The following NXPH4 variants were observed in gnomAD, a reference collection of about 807,000 sequenced individuals.
NXPH4 encodes neurexophilin-4.
Under a neutral mutation model 21.3 loss-of-function variants are expected in NXPH4, and 8 were observed. That is an observed-to-expected ratio of 0.38 (90% CI 0.22 to 0.68). The LOEUF (loss-of-function observed/expected upper bound fraction) is 0.68, where lower values mean the gene tolerates loss of function less well. NXPH4 is among the 30% of genes least tolerant of loss of function. The probability of loss-of-function intolerance (pLI) is 0.53; values close to 1 mark genes in which losing one functional copy is unlikely to be tolerated. For synonymous variants in NXPH4, 219 were observed against 192.6 expected (o/e 1.14, Z -1.13); for missense variants, 418 against 416.8 (o/e 1.00, Z -0.03).
In NXPH4 at chr12:57,225,968, G is replaced by A. The variant is rs1460280422; in HGVS notation, c.*221G>A. 1.4e-6 allele frequency: 2 copies of A among 1,417,360 alleles called. No homozygotes were observed. The highest frequency in any genetic ancestry group is 2.9e-5 in the African/African-American group (2 of 69,288). 87.8% of individuals were successfully genotyped at this position (1,417,360 alleles called of 1,614,324 possible). ...GTAGCCCCCTCCAGTACACCCCAAA[G>A]TGAAAGGGATAAGAGTGCAGCCCCA... is the stretch of plus-strand genomic sequence containing the variant. On this transcript the variant is annotated 3_prime_UTR_variant, in exon 2 of 2. Transcript: ENST00000349394.
chr12:57,225,196 G>C lies in NXPH4; in HGVS notation c.376G>C (p.Gly126Arg). The change falls in exon 2 of 2, where the codon GGC becomes CGC. Residue 126 changes from glycine to arginine, a missense_variant. Gly to Arg is a moderately radical substitution (Grantham distance 125). Transcript: ENST00000349394. ...CCTCAAGTTTTCGCTGCTGGTGACC[G>C]GCAAGATCGTGGACCATGTGAACGG... ...HTLKFSLLVT[G>R]KIVDHVNGTF... The C allele has an allele frequency of 6.3e-7, 1 of 1,589,754 alleles. No homozygotes were observed. The highest frequency in any genetic ancestry group is 8.6e-7 in the Non-Finnish European group (1 of 1,168,130).
rs2037133722 is a variant in NXPH4 at position 57,225,419 on chromosome 12, C to T, written c.599C>T (p.Ala200Val). 7.5e-6 allele frequency: 12 copies of T among 1,602,162 alleles called. 1 individual carries two copies. The East Asian group carries it at 2.5e-4, about 33-fold the overall frequency. ...CCGCTGGGGATGGCAGCAGCAGCGG[C>T]GGGGCCCGGGCTTGGGGGCTCCCTC... ...GPPLGMAAAA[A>V]GPGLGGSLGG... is the part of the protein sequence containing the mutation. Residue 200 changes from alanine (A) to valine (V), a missense_variant, in exon 2 of 2, where the codon GCG (alanine) becomes GTG (valine). Transcript: ENST00000349394.
At chr12:57,223,287 A>G (rs977709682) in intron 1 of NXPH4, among the ~76,000 whole-genome samples, 1 of 152,086 alleles carries the variant, frequency 6.6e-6, no homozygotes, top group Non-Finnish European at 1.5e-5. Context: ...ACCGCTATAC[A>G]CAGCCATATA....
Position 57,226,070 on chromosome 12 carries a change from C to T in NXPH4, c.*323C>T. On this transcript the variant is annotated 3_prime_UTR_variant, in exon 2 of 2. Coordinates refer to ENST00000349394, the MANE Select transcript of NXPH4 (RefSeq NM_007224.4). ...TCCCCTTTTCACCCTTGGCGCTAGG[C>T]TGCGCACTCCCTTTCCCCGCAGCTT... 1 of 603,634 alleles carries T rather than the reference C, an allele frequency of 1.7e-6. No individual in the cohort carries two copies. The highest frequency in any genetic ancestry group is 2.6e-6 in the Non-Finnish European group (1 of 378,192). 37.4% of individuals were successfully genotyped at this position (603,634 alleles called of 1,614,324 possible).
rs2037129544 is a variant in NXPH4, at chr12:57,225,124, G to A, written c.304G>A (p.Ala102Thr). 2.0e-6 allele frequency: 3 copies of A among 1,532,710 alleles called. No individual in the cohort carries two copies. Among genetic ancestry groups the A allele is most frequent in the Admixed American group, 2.1e-5 (1 of 46,842 alleles). 94.9% of individuals were successfully genotyped at this position (1,532,710 alleles called of 1,614,324 possible). Residue 102 changes from alanine (A) to threonine (T), a missense_variant, in exon 2 of 2, where the codon GCC (alanine) becomes ACC (threonine). Coordinates refer to ENST00000349394, the MANE Select transcript of NXPH4 (RefSeq NM_007224.4). ...GAAGCCGTCCATCAAGGCGGCGCGC[G>A]CCAAAAAGATCTTCGGCTGGGGGGA... is the stretch of plus-strand genomic sequence containing the variant. ...KRKPSIKAAR[A>T]KKIFGWGDFY... is the part of the protein sequence containing the mutation.
chr12:57,225,730 CA>C lies in NXPH4; in HGVS notation c.911del (p.His304ProfsTer72). On this transcript the variant is annotated frameshift_variant, in exon 2 of 2. Transcript: ENST00000349394. LOFTEE classifies it high-confidence loss of function. The stretch of plus-strand genomic sequence containing the variant: ...CCCAGACTATAACTTCCAGAGTGAG[CA>C]CCCCTACTTCGGATAGCGCCCCTCC... ...VCPDYNFQSEHPYFG is the reference protein window; with the variant it reads ...VCPDYNFQSEXPYFG 1.9e-6 allele frequency: 3 copies of C among 1,612,304 alleles called. No individual in the cohort carries two copies. The highest frequency in any genetic ancestry group is 2.5e-6 in the Non-Finnish European group (3 of 1,178,978).
chr12:57,225,282 C>T lies in NXPH4; in HGVS notation c.462C>T (p.Ile154=), dbSNP rs1011820809. 1.4e-5 allele frequency: 21 copies of T among 1,550,524 alleles called. No homozygotes were observed. The highest frequency in any genetic ancestry group is 1.8e-5 in the Non-Finnish European group (21 of 1,149,532). The part of the protein sequence containing the change: ...SSSLGNLSVS[I]VPPSKRVEFG... Reference sequence around the variant, plus strand: ...GCCTGGGCAACCTCAGTGTCAGCATCGTGCCGCCCTCCAAGCGTGTCGAGT... The same window carrying T: ...GCCTGGGCAACCTCAGTGTCAGCATTGTGCCGCCCTCCAAGCGTGTCGAGT... The change falls in exon 2 of 2, where the codon ATC becomes ATT. Residue 154 remains isoleucine (I), a synonymous_variant. Transcript: ENST00000349394.
chr12:57,223,825 TC>T (rs2037115083), intron 1 of NXPH4, among the ~76,000 whole-genome samples: 4 of 152,206 alleles, frequency 2.6e-5, no homozygotes, highest in African/African-American at 7.2e-5. Context: ...TCTCGATCCA[TC>T]TTGTCCTCGA....
Position 57,225,961 on chromosome 12 carries a change from C to G in NXPH4, c.*214C>G. 7.0e-7 allele frequency: 1 copy of G among 1,422,878 alleles called. No homozygotes were observed. Among genetic ancestry groups the G allele is most frequent in the Non-Finnish European group, 9.2e-7 (1 of 1,089,830 alleles). The allele number at this position is 1,422,878 out of a possible 1,614,324, so 88.1% of individuals were successfully genotyped here. On this transcript the variant is annotated 3_prime_UTR_variant, in exon 2 of 2. Transcript: ENST00000349394. ...GGCTGGGGTAGCCCCCTCCAGTACA[C>G]CCCAAAGTGAAAGGGATAAGAGTGC...
At chr12:57,221,162 C>T in intron 1 of NXPH4, 4 of 369,020 alleles carry the variant, frequency 1.1e-5, no homozygotes, top group South Asian at 7.8e-5. Context: ...CAGTCCTCAC[C>T]CCAGGCTGTC....
chr12:57,220,223 G>A (rs1310134775), intron 1 of NXPH4, among the ~76,000 whole-genome samples: 1 of 152,088 alleles, frequency 6.6e-6, no homozygotes, highest in African/African-American at 2.4e-5. Flanking sequence ...GGAAATTGGC[G>A]CGGCTCCCCC....
intron 1 of NXPH4, among the ~76,000 whole-genome samples, chr12:57,220,443 C>T (rs2136768255): frequency 6.6e-6 from 1 of 151,192 alleles, no homozygotes; most frequent in Admixed American, 6.6e-5. Context: ...CGCGCTGGCT[C>T]CAGGAAGCAG....
chr12:57,225,641 T>C lies in NXPH4; in HGVS notation c.821T>C (p.Phe274Ser). Residue 274 changes from phenylalanine (F) to serine (S), a missense_variant, in exon 2 of 2, where the codon TTC (phenylalanine) becomes TCC (serine). Physicochemically the swap from Phe to Ser is radical, Grantham distance 155. Transcript: ENST00000349394. ...SQAAWLCAKP[F>S]KVICIFVSFL... ...GCCGCCTGGCTCTGTGCCAAGCCCT[T>C]CAAAGTCATCTGTATCTTCGTCTCT... 1 of 1,613,748 alleles carries C rather than the reference T, an allele frequency of 6.2e-7. No homozygotes were observed. Among genetic ancestry groups the C allele is most frequent in the Non-Finnish European group, 8.5e-7 (1 of 1,179,984 alleles).
rs770773972 is a variant in NXPH4, at chr12:57,225,155, A to G, written c.335A>G (p.Tyr112Cys). The G allele has an allele frequency of 2.5e-6, 4 of 1,580,096 alleles. No individual in the cohort carries two copies. The highest frequency in any genetic ancestry group is 3.4e-6 in the Non-Finnish European group (4 of 1,162,654). The change falls in exon 2 of 2, where the codon TAC becomes TGC. Residue 112 changes from tyrosine (Y) to cysteine (C), a missense_variant. Tyr to Cys is a radical substitution (Grantham distance 194). Coordinates refer to ENST00000349394, the MANE Select transcript of NXPH4 (RefSeq NM_007224.4). The stretch of plus-strand genomic sequence containing the variant: ...AAGATCTTCGGCTGGGGGGACTTCT[A>G]CTTTCGGGTGCATACCCTCAAGTTT... Reference protein sequence around the residue: ...AKKIFGWGDFYFRVHTLKFSL... With the variant: ...AKKIFGWGDFCFRVHTLKFSL...
At chr12:57,217,093 C>A in intron 1 of NXPH4, 67 bp downstream of exon 1, 1 of 1,357,866 alleles carries the variant, frequency 7.4e-7, no homozygotes, top group Non-Finnish European at 1.0e-6. Context: ...TCCCAGTGTG[C>A]GAGGGGCTCC....
chr12:57,225,450 C>T lies in NXPH4; in HGVS notation c.630C>T (p.Gly210=), dbSNP rs952343761. The T allele has an allele frequency of 5.6e-6, 9 of 1,603,094 alleles. No homozygotes were observed. Among genetic ancestry groups the T allele is most frequent in the African/African-American group, 5.3e-5 (4 of 74,774 alleles). ...AGPGLGGSLG[G]ALAGPLGGAL... ...CCGGGCTTGGGGGCTCCCTCGGGGG[C>T]GCACTGGCGGGGCCGCTTGGGGGCG... The change falls in exon 2 of 2, where the codon GGC becomes GGT. Residue 210 remains glycine, a synonymous_variant. Coordinates refer to ENST00000349394, the MANE Select transcript of NXPH4 (RefSeq NM_007224.4).
At chr12:57,221,054 C>T (rs2037086846) in intron 1 of NXPH4, among the ~76,000 whole-genome samples, 1 of 152,100 alleles carries the variant, frequency 6.6e-6, no homozygotes, top group Non-Finnish European at 1.5e-5. Flanking sequence ...TTCTGCTTCT[C>T]ATCCCTGTCC....
intron 1 of NXPH4, among the ~76,000 whole-genome samples, chr12:57,223,667 A>AT (rs1481001266): frequency 6.6e-6 from 1 of 152,206 alleles, no homozygotes; most frequent in African/African-American, 2.4e-5. Flanking sequence ...ACACTCTGAC[A>AT]TGCAGCTCCT....
At chr12:57,221,396 G>A (rs773122435) in intron 1 of NXPH4, 8 of 455,340 alleles carry the variant, frequency 1.8e-5, no homozygotes, top group Non-Finnish European at 2.6e-5. Flanking sequence ...GGCCAGCCTG[G>A]AGGCCCAGGG....
Sources: gnomAD v4.1 joint callset for allele counts (sites outside exome capture counted in the v4.1 genomes callset) on GRCh38, gnomAD v4.1.1 for gene constraint, MANE v1.5 for transcripts, NCBI Gene and HGNC (gene_info 2026-07-23, HGNC 2026-07-21) for gene names.